Variants in MLLT1 observed in about 807,000 individuals in gnomAD.
The protein encoded by MLLT1 is MLLT1 super elongation complex subunit, also known as protein ENL.
MLLT1 carries 11 observed loss-of-function variants against 55.1 expected under a neutral mutation model. The observed-to-expected ratio is 0.20, with a 90% CI of 0.13 to 0.33. MLLT1 has a LOEUF of 0.33. Among genes scored for constraint, MLLT1 ranks in the 10% least tolerant of loss-of-function variants. The pLI is 1.00. For synonymous variants in MLLT1, 323 were observed against 320.1 expected, an observed-to-expected ratio of 1.01 and a Z score of -0.10; for missense variants, 536 against 760.6, an observed-to-expected ratio of 0.70 and a Z score of 3.47.
rs945233338 is a variant in MLLT1 at position 6,240,971 on chromosome 19, G to A, written c.277-10258C>T. ...AGCCAAACTTAATGATTTCTCCTCA[G>A]TCTGACACCAGAAAAGGCAGAAAGC... is the stretch of plus-strand genomic sequence containing the variant. On this transcript the variant is annotated intron_variant, in intron 3 of 11. Transcript: ENST00000252674. The surrounding 1 kb of genome is among the most constrained non-coding windows in gnomAD (Gnocchi z 4.7). Among the ~76,000 whole-genome samples the A allele has an allele frequency of 1.3e-5, 2 of 152,162 alleles. No individual in the cohort carries two copies. The highest frequency in any genetic ancestry group is 2.9e-5 in the Non-Finnish European group (2 of 68,038).
chr19:6,271,864 G>A (rs190838404), intron 1 of MLLT1, among the ~76,000 whole-genome samples: 2 of 152,328 alleles, frequency 1.3e-5, no homozygotes, highest in Admixed American at 6.5e-5. Flanking sequence ...TCCCATCTGC[G>A]CCTTTCCACG....
chr19:6,213,611 GCC>G, intron 10 of MLLT1, 113 bp downstream of exon 10: 2 of 1,134,378 alleles, frequency 1.8e-6, no homozygotes, highest in Non-Finnish European at 2.6e-6. Context: ...CCCTGCTCCT[GCC>G]CAGGAAGAGT....
intron 2 of MLLT1, among the ~76,000 whole-genome samples, chr19:6,265,094 C>T (rs554426623): frequency 2.1e-4 from 27 of 125,622 alleles, no homozygotes; most frequent in Non-Finnish European, 3.9e-4. Context: ...ATAAAGCAAG[C>T]GTCCTAAAAA....
At chr19:6,215,198 A>C (rs970144157) in intron 8 of MLLT1, among the ~76,000 whole-genome samples, 3 of 152,126 alleles carry the variant, frequency 2.0e-5, no homozygotes, top group African/African-American at 7.2e-5. Context: ...GCAAGCCCTC[A>C]CCCAGGGCCC....
At chr19:6,225,786 C>A (rs1401747832) in intron 5 of MLLT1, among the ~76,000 whole-genome samples, 1 of 152,190 alleles carries the variant, frequency 6.6e-6, no homozygotes, top group Non-Finnish European at 1.5e-5. Context: ...AGGGAGGGCA[C>A]CTCTCCAACC....
chr19:6,224,391 T>C (rs977032839), intron 5 of MLLT1, among the ~76,000 whole-genome samples: 5 of 152,180 alleles, frequency 3.3e-5, no homozygotes, highest in African/African-American at 1.2e-4. Flanking sequence ...GGGTGTGGAA[T>C]GGGGCTGTGC....
Position 6,219,277 on chromosome 19 carries a change from C to T in MLLT1, c.1111-1236G>A, listed in dbSNP as rs753352139. Among the ~76,000 whole-genome samples the T allele has an allele frequency of 3.3e-5, 5 of 152,144 alleles. No homozygotes were observed. Among genetic ancestry groups the T allele is most frequent in the Non-Finnish European group, 7.4e-5 (5 of 68,022 alleles). ...TGCCCCTCAAACCAGCCCCTGCCAG[C>T]GCCCCTTCCCACCAACACATGGCGC... On this transcript the variant is annotated intron_variant, in intron 6 of 11. Transcript: ENST00000252674. The surrounding 1 kb of genome is among the most constrained non-coding windows in gnomAD (Gnocchi z 4.5).
chr19:6,237,601 C>CAA (rs1232206376), intron 3 of MLLT1, among the ~76,000 whole-genome samples: 26 of 97,180 alleles, frequency 2.7e-4, no homozygotes, highest in African/African-American at 4.9e-4. Context: ...ACTAAAAATA[C>CAA]AAAAAAAAAA....
chr19:6,251,776 A>C (rs1008073472), intron 3 of MLLT1, among the ~76,000 whole-genome samples: 10 of 152,020 alleles, frequency 6.6e-5, no homozygotes, highest in Admixed American at 1.3e-4. Context: ...CACCAAAAAA[A>C]AAAAAAGAAA....
rs917411735 is a variant in MLLT1, at chr19:6,240,528, T to C, written c.277-9815A>G. Among the ~76,000 whole-genome samples the C allele has an allele frequency of 6.6e-6, 1 of 152,154 alleles. No homozygotes were observed. The highest frequency in any genetic ancestry group is 2.4e-5 in the African/African-American group (1 of 41,436). ...TGGGAAAGGCAGAACCCACCCCATA[T>C]ACAGGCACTCAAGTGCTACTCCTCA... On this transcript the variant is annotated intron_variant, in intron 3 of 11. Transcript: ENST00000252674. This position sits in a 1 kb window ranked among gnomAD's most constrained non-coding sequence, Gnocchi z 4.7.
rs571941247 is a variant in MLLT1 at position 6,262,891 on chromosome 19, G to GA, written c.194-582dup. Among the ~76,000 whole-genome samples the GA allele has an allele frequency of 5.6e-3, 811 of 145,140 alleles. 3 individuals carry two copies. Among genetic ancestry groups the GA allele is most frequent in the Non-Finnish European group, 9.0e-3 (590 of 65,776 alleles). On this transcript the variant is annotated intron_variant, in intron 2 of 11. Coordinates refer to ENST00000252674, the MANE Select transcript of MLLT1 (RefSeq NM_005934.4). The surrounding 1 kb of genome is among the most constrained non-coding windows in gnomAD (Gnocchi z 4.4). Reference sequence around the variant, plus strand: ...CCCATTGACCCCAGAGATTAAAAAAGAAAAAAAAAAGGCCGGACACGGTGG... The same window carrying GA: ...CCCATTGACCCCAGAGATTAAAAAAGAAAAAAAAAAAGGCCGGACACGGTGG...
chr19:6,275,134 C>T (rs1459594680), intron 1 of MLLT1, among the ~76,000 whole-genome samples: 1 of 152,254 alleles, frequency 6.6e-6, no homozygotes, highest in African/African-American at 2.4e-5. Flanking sequence ...AGGTCTTCAA[C>T]AACCAGTTCA....
In MLLT1 at chr19:6,213,117, G is replaced by A. The variant is rs1470282995; in HGVS notation, c.1605C>T (p.Phe535=). Residue 535 remains phenylalanine (F), a synonymous_variant, in exon 12 of 12, where the codon TTC becomes TTT. Coordinates refer to ENST00000252674, the MANE Select transcript of MLLT1 (RefSeq NM_005934.4). ...TGHFNVTNTT[F]DFDLFSLDET... Reference sequence around the variant, plus strand: ...CGTCCAGGGAGAAGAGGTCGAAGTCGAAGGTGGTGTTGGTGACATTGAAGT... The same window carrying A: ...CGTCCAGGGAGAAGAGGTCGAAGTCAAAGGTGGTGTTGGTGACATTGAAGT... 2.5e-6 allele frequency: 4 copies of A among 1,613,990 alleles called. No homozygotes were observed. Among genetic ancestry groups the A allele is most frequent in the African/African-American group, 1.3e-5 (1 of 75,032 alleles).
chr19:6,252,857 G>A (rs1334925966), intron 3 of MLLT1, among the ~76,000 whole-genome samples: 6 of 152,006 alleles, frequency 3.9e-5, no homozygotes, highest in Non-Finnish European at 1.5e-5. Context: ...AATAAAAGTG[G>A]GAACTACCAA....
Position 6,218,000 on chromosome 19 carries a change from G to A in MLLT1, c.1152C>T (p.Asp384=). The A allele has an allele frequency of 6.2e-7, 1 of 1,609,394 alleles. No homozygotes were observed. The highest frequency in any genetic ancestry group is 1.7e-5 in the Admixed American group (1 of 59,514). The stretch of plus-strand genomic sequence containing the variant: ...GCTCGAAGTCTGAGTCTGAGCTGGA[G>A]TCTGAGCTGGAGCTGGAGTTGGACG... The part of the protein sequence containing the change: ...SSPSNSSSSS[D]SSSDSDFEPS... Residue 384 remains aspartate, a synonymous_variant, in exon 7 of 12, where the codon GAC becomes GAT. Transcript: ENST00000252674.
chr19:6,272,677 G>T (rs749683306), intron 1 of MLLT1, among the ~76,000 whole-genome samples: 1 of 152,240 alleles, frequency 6.6e-6, no homozygotes, highest in Non-Finnish European at 1.5e-5. Flanking sequence ...CCTCTATCTT[G>T]AAACCACGGG....
At chr19:6,239,471 G>A (rs527894566) in intron 3 of MLLT1, among the ~76,000 whole-genome samples, 130 of 152,220 alleles carry the variant, frequency 8.5e-4, no homozygotes, top group African/African-American at 3.0e-3. Context: ...CAGGCACAGC[G>A]GCCTGTGCTG....
At chr19:6,279,281 G>A (rs2091444319) in intron 1 of MLLT1, among the ~76,000 whole-genome samples, 1 of 152,156 alleles carries the variant, frequency 6.6e-6, no homozygotes, top group Non-Finnish European at 1.5e-5. Context: ...AAAGGAGACA[G>A]TGACTGGCCC....
At chr19:6,217,471 C>G (rs1022319852) in intron 7 of MLLT1, among the ~76,000 whole-genome samples, 6 of 152,190 alleles carry the variant, frequency 3.9e-5, no homozygotes, top group African/African-American at 1.4e-4. Flanking sequence ...GGGCCTATGT[C>G]CTTTCCCCAA....
Sources: gnomAD v4.1 joint callset for allele counts (sites outside exome capture counted in the v4.1 genomes callset) on GRCh38, gnomAD v4.1.1 for gene constraint, Gnocchi (gnomAD v3.1) non-coding constraint, MANE v1.5 for transcripts, NCBI Gene and HGNC (gene_info 2026-07-23, HGNC 2026-07-21) for gene names.